LIMCH1: variants seen among roughly 807,000 people sequenced by gnomAD.
LIMCH1 encodes LIM and calponin homology domains 1.
In LIMCH1, 113 loss-of-function variants were observed where a neutral mutation model predicts 176.5. That is an observed-to-expected ratio of 0.64 (90% CI 0.55 to 0.75). The LOEUF (loss-of-function observed/expected upper bound fraction) is 0.75. Among genes scored for constraint, LIMCH1 ranks in the 30% least tolerant of loss-of-function variants. LIMCH1 has a pLI of 0.00. For synonymous variants in LIMCH1, 619 were observed against 645.9 expected (o/e 0.96, Z 0.63); for missense variants, 1,674 against 1,814.9 (o/e 0.92, Z 1.41).
intron 3 of LIMCH1, chr4:41,524,508 C>T: frequency 6.5e-7 from 1 of 1,537,256 alleles, no homozygotes; most frequent in South Asian, 1.1e-5. Context: ...ATTTATTTTC[C>T]AATATTCCTT....
intron 1 of LIMCH1, among the ~76,000 whole-genome samples, chr4:41,549,599 T>C (rs2080096517): frequency 6.6e-6 from 1 of 152,214 alleles, no homozygotes; most frequent in South Asian, 2.1e-4. Context: ...GCTAAACAAT[T>C]TGGCCAAAAT....
chr4:41,478,287 A>G (rs995653048), intron 1 of LIMCH1, among the ~76,000 whole-genome samples: 2 of 146,948 alleles, frequency 1.4e-5, no homozygotes, highest in African/African-American at 5.3e-5. Context: ...GCTATCCCTC[A>G]ATGATCACTC....
intron 1 of LIMCH1, among the ~76,000 whole-genome samples, chr4:41,383,045 C>T (rs2055941462): frequency 6.6e-6 from 1 of 152,208 alleles, no homozygotes. Flanking sequence ...CCTGCTTCAG[C>T]CTCCCAAAGT....
chr4:41,444,077 C>T (rs183496492), intron 1 of LIMCH1, among the ~76,000 whole-genome samples: 9 of 152,210 alleles, frequency 5.9e-5, no homozygotes, highest in Admixed American at 5.9e-4. Flanking sequence ...CTGAAGATAG[C>T]TGAAATGTGT....
chr4:41,626,945 G>A lies in LIMCH1; in HGVS notation c.963G>A (p.Glu321=). 6.5e-7 allele frequency: 1 copy of A among 1,536,002 alleles called. No individual in the cohort carries two copies. Among genetic ancestry groups the A allele is most frequent in the Non-Finnish European group, 8.7e-7 (1 of 1,146,902 alleles). Residue 321 remains glutamate, a synonymous_variant, in exon 8 of 32, where the codon GAG becomes GAA. Coordinates refer to ENST00000503057, the MANE Select transcript of LIMCH1 (RefSeq NM_001330672.2). ...GCCCTTATCCAAAGAAAGGGGCAGAGAAATCAGATGGCAGCAAACAGCTCT... is the reference window on the plus strand; with the variant it reads ...GCCCTTATCCAAAGAAAGGGGCAGAAAAATCAGATGGCAGCAAACAGCTCT... ...LYGPYPKKGA[E]KSDGSKQLSK... is the part of the protein sequence containing the mutation.
intron 3 of LIMCH1, among the ~76,000 whole-genome samples, chr4:41,525,298 T>C (rs867252702): frequency 6.6e-6 from 1 of 152,174 alleles, no homozygotes; most frequent in Non-Finnish European, 1.5e-5. Flanking sequence ...AATGACTCAC[T>C]GATTGTTTCC....
intron 5 of LIMCH1, among the ~76,000 whole-genome samples, chr4:41,614,256 A>T (rs1221230008): frequency 3.3e-5 from 5 of 152,228 alleles, no homozygotes; most frequent in African/African-American, 1.2e-4. Context: ...GCTGGGATTG[A>T]TTTAAACCCT....
chr4:41,543,477 T>C (rs2152483473), intron 1 of LIMCH1, among the ~76,000 whole-genome samples: 1 of 152,306 alleles, frequency 6.6e-6, no homozygotes, highest in Non-Finnish European at 1.5e-5. Flanking sequence ...GTTTAATATA[T>C]ATGACAACTA....
intron 1 of LIMCH1, among the ~76,000 whole-genome samples, chr4:41,553,363 A>G (rs1479687572): frequency 6.6e-6 from 1 of 152,192 alleles, no homozygotes; most frequent in Non-Finnish European, 1.5e-5. Context: ...AATTGAGTCT[A>G]CTTGGGAATT....
At chr4:41,461,915 A>C (rs1036815403) in intron 1 of LIMCH1, among the ~76,000 whole-genome samples, 11 of 152,236 alleles carry the variant, frequency 7.2e-5, no homozygotes, top group African/African-American at 2.4e-4. Context: ...GCCCTTCATC[A>C]GGGCCTCACC....
intron 1 of LIMCH1, among the ~76,000 whole-genome samples, chr4:41,578,826 C>G (rs1390321052): frequency 1.3e-5 from 2 of 151,882 alleles, no homozygotes; most frequent in African/African-American, 2.4e-5. Flanking sequence ...CTCAAGTGAC[C>G]CAGTAGCTAG....
chr4:41,623,048 G>A (rs527959214), intron 7 of LIMCH1, among the ~76,000 whole-genome samples: 4 of 152,190 alleles, frequency 2.6e-5, no homozygotes, highest in East Asian at 3.9e-4. Flanking sequence ...GCATGTCTAC[G>A]TCTTTGTCAC....
intron 1 of LIMCH1, among the ~76,000 whole-genome samples, chr4:41,590,471 A>C (rs923963814): frequency 1.3e-5 from 2 of 151,874 alleles, no homozygotes; most frequent in Non-Finnish European, 2.9e-5. Context: ...TCCCAAAACA[A>C]AGCTAGGATC....
chr4:41,616,433 G>A (rs917446562), intron 5 of LIMCH1, among the ~76,000 whole-genome samples: 2 of 152,076 alleles, frequency 1.3e-5, no homozygotes, highest in Non-Finnish European at 2.9e-5. Context: ...GGAGGCTGAG[G>A]CAGGAGAATC....
At chr4:41,375,468 T>C (rs1011081405) in intron 1 of LIMCH1, among the ~76,000 whole-genome samples, 1 of 152,364 alleles carries the variant, frequency 6.6e-6, no homozygotes, top group Admixed American at 6.5e-5. Flanking sequence ...CTTCCCAATA[T>C]ATATAAACCT....
chr4:41,382,863 C>T (rs1457571654), intron 1 of LIMCH1, among the ~76,000 whole-genome samples: 1 of 152,180 alleles, frequency 6.6e-6, no homozygotes, highest in Non-Finnish European at 1.5e-5. Context: ...ACAATCTTGG[C>T]TCACTGCAGC....
At position 41,460,468 on chromosome 4, in the gene LIMCH1, A is replaced by G. The variant is rs28611395; in HGVS notation, c.97-34068A>G. Among the ~76,000 whole-genome samples, 43 of 138,942 alleles carry G rather than the reference A, an allele frequency of 3.1e-4. 4 individuals carry two copies. The highest frequency in any genetic ancestry group is 1.3e-3 in the African/African-American group (42 of 33,596). 91.2% of individuals were successfully genotyped at this position (138,942 alleles called of 152,430 possible). A position where few individuals can be genotyped will look rare whatever the true frequency, so the allele number is the denominator to read the frequency against. On this transcript the variant is annotated intron_variant, in intron 1 of 26. Coordinates refer to the LIMCH1 transcript ENST00000313860. Reference sequence around the variant, plus strand: ...CACTATAGTAATCATCTATATATATATATATATATATCTTATAATATCATG... The same window carrying G: ...CACTATAGTAATCATCTATATATATGTATATATATATCTTATAATATCATG...
intron 2 of LIMCH1, among the ~76,000 whole-genome samples, chr4:41,504,780 C>A (rs555646145): frequency 6.6e-6 from 1 of 152,312 alleles, no homozygotes; most frequent in South Asian, 2.1e-4. Flanking sequence ...ATATATTTAA[C>A]AAAAGCCAGT....
chr4:41,451,282 A>T (rs1381863356), intron 1 of LIMCH1, among the ~76,000 whole-genome samples: 3 of 139,846 alleles, frequency 2.1e-5, no homozygotes, highest in Non-Finnish European at 3.1e-5. Context: ...CGCCTGGCTA[A>T]TTTTTTTTTT....
Sources: allele counts gnomAD v4.1 joint callset (sites outside exome capture counted in the v4.1 genomes callset), GRCh38; gene constraint gnomAD v4.1.1; transcripts MANE v1.5; gene names NCBI Gene and HGNC (gene_info 2026-07-23, HGNC 2026-07-21).